The following ERICH1 variants were observed in gnomAD, a reference collection of about 807,000 sequenced individuals.
ERICH1 encodes the protein glutamate-rich protein 1.
In ERICH1, 56 loss-of-function variants were observed where a neutral mutation model predicts 39.6. The ratio of observed to expected loss-of-function variants is 1.41; its 90% CI spans 1.14 to 1.77. The LOEUF is 1.77. Ranked by LOEUF, ERICH1 falls within the 40% of genes most tolerant of loss-of-function variation. The pLI is 0.00. For missense variants in ERICH1, 826 were observed against 575.4 expected (o/e 1.44, Z -4.45); for synonymous variants, 313 against 223.6 (o/e 1.40, Z -3.57).
At chr8:627,106 C>T (rs1006479843) in intron 3 of ERICH1, 9 of 456,138 alleles carry the variant, frequency 2.0e-5, no homozygotes, top group African/African-American at 1.6e-4. Context: ...TCCCTAGACA[C>T]CTGCATCAGT....
intron 3 of ERICH1, among the ~76,000 whole-genome samples, chr8:634,183 A>AAAAAAAAAAAAAAAAAAACAAAC (rs1554481909): frequency 7.4e-6 from 1 of 135,808 alleles, no homozygotes; most frequent in African/African-American, 2.9e-5. Context: ...AAAAAAAAAA[A>AAAAAAAAAAAAAAAAAAACAAAC]AAACAAACAA....
rs1414573547 is a variant in ERICH1, at chr8:649,348, G to T, written c.976+19250C>A. On this transcript the variant is annotated intron_variant, in intron 3 of 3. Coordinates refer to the ERICH1 transcript ENST00000522706. ...TACCTATTTCTTTGCATTTCACCCT[G>T]AAAACAACAAGAATAGAGTTTGCAG... Among the ~76,000 whole-genome samples the T allele has an allele frequency of 1.9e-4, 3 of 16,090 alleles. 1 individual carries two copies. Among genetic ancestry groups the T allele is most frequent in the African/African-American group, 3.4e-4 (3 of 8,926 alleles). The allele number at this position is 16,090 out of a possible 152,430, so 10.6% of individuals were successfully genotyped here.
At chr8:729,026 C>T (rs1208888905) in intron 1 of ERICH1, among the ~76,000 whole-genome samples, 2 of 152,192 alleles carry the variant, frequency 1.3e-5, no homozygotes, top group Non-Finnish European at 2.9e-5. Flanking sequence ...GTATGGGCCC[C>T]TGGATGTGTC....
chr8:637,414 C>G (rs1798525041), intron 3 of ERICH1: 1 of 152,304 alleles, frequency 6.6e-6, no homozygotes, highest in Non-Finnish European at 1.5e-5. Flanking sequence ...AGCATTCCAT[C>G]CTCACCACGT....
chr8:664,646 C>A lies in ERICH1; in HGVS notation c.1289G>T (p.Ser430Ile), dbSNP rs1193947288. Residue 430 changes from serine to isoleucine, a missense_variant, in exon 6 of 6, where the codon AGT (serine) becomes ATT (isoleucine). Coordinates refer to ENST00000262109, the MANE Select transcript of ERICH1 (RefSeq NM_207332.3). ...AGGAAGGATATGTGTGATCCAGTAACTAAAGAAAGCTGAGATTACTCTGGC... is the reference window on the plus strand; with the variant it reads ...AGGAAGGATATGTGTGATCCAGTAAATAAAGAAAGCTGAGATTACTCTGGC... ...DHARVISAFF[S>I]YWITHILPEK... 1 of 1,612,438 alleles carries A rather than the reference C, an allele frequency of 6.2e-7. No individual in the cohort carries two copies. Among genetic ancestry groups the A allele is most frequent in the Non-Finnish European group, 8.5e-7 (1 of 1,179,588 alleles).
Position 685,692 on chromosome 8 carries a change from C to T in ERICH1, c.304+6786G>A, listed in dbSNP as rs996452956. ...CACGCCTTCAGCCGGTCCCTCCGTT[C>T]GGGGTCCCTGACTTCCTGCAATAGG... On this transcript the variant is annotated intron_variant, in intron 3 of 5. Coordinates refer to ENST00000262109, the MANE Select transcript of ERICH1 (RefSeq NM_207332.3). 1.6e-4 allele frequency among the ~76,000 whole-genome samples: 24 copies of T among 152,274 alleles called. 1 individual carries two copies. The highest frequency in any genetic ancestry group is 5.5e-4 in the African/African-American group (23 of 41,544).
At position 665,506 on chromosome 8, in the gene ERICH1, C is replaced by G. The variant is rs968029778; in HGVS notation, c.1259-830G>C. On this transcript the variant is annotated intron_variant, in intron 5 of 5. Transcript: ENST00000262109. ...ACAGAAGCCTCATTCACACTCCCCC[C>G]AGGCAGGCTCCATCCCGCCCAGGGG... Among the ~76,000 whole-genome samples, 6 of 152,230 alleles carry G rather than the reference C, an allele frequency of 3.9e-5. No homozygotes were observed. In the East Asian group the frequency reaches 5.8e-4, roughly 15 times the overall value.
At chr8:699,220 G>C (rs56756385) in intron 2 of ERICH1, among the ~76,000 whole-genome samples, 1 of 151,958 alleles carries the variant, frequency 6.6e-6, no homozygotes, top group Non-Finnish European at 1.5e-5. Context: ...GTGTAAGGCT[G>C]GTTATCATCA....
In ERICH1 at chr8:692,472, T is replaced by C; in HGVS notation, c.304+6A>G. On this transcript the variant is annotated splice_donor_region_variant and intron_variant, in intron 3 of 5. Coordinates refer to ENST00000262109, the MANE Select transcript of ERICH1 (RefSeq NM_207332.3). The stretch of plus-strand genomic sequence containing the variant: ...TGTCTACCTTTCCTCCCACCCAGCA[T>C]TTTACCTTCTGTGTCATCCCCGCTG... 7 of 1,614,074 alleles carry C rather than the reference T, an allele frequency of 4.3e-6. No homozygotes were observed. Among genetic ancestry groups the C allele is most frequent in the Non-Finnish European group, 5.9e-6 (7 of 1,179,988 alleles).
intron 3 of ERICH1, chr8:691,214 G>C (rs1272956583): frequency 6.6e-6 from 1 of 152,392 alleles, no homozygotes; most frequent in African/African-American, 2.4e-5. Flanking sequence ...GGGGGCCCGG[G>C]CAACAGGAAA....
At chr8:700,815 C>G (rs1393940337) in intron 2 of ERICH1, among the ~76,000 whole-genome samples, 3 of 152,362 alleles carry the variant, frequency 2.0e-5, no homozygotes, top group South Asian at 2.1e-4. Flanking sequence ...GAAAATATTC[C>G]TTTATCAGAG....
intron 3 of ERICH1, among the ~76,000 whole-genome samples, chr8:643,953 T>G (rs1799305715): frequency 6.6e-6 from 1 of 152,244 alleles, no homozygotes; most frequent in Non-Finnish European, 1.5e-5. Flanking sequence ...TGCAGCCCCC[T>G]GAGCACCAGC....
intron 3 of ERICH1, among the ~76,000 whole-genome samples, chr8:677,580 C>G (rs2131912467): frequency 6.6e-6 from 1 of 152,310 alleles, no homozygotes; most frequent in East Asian, 1.9e-4. Flanking sequence ...ACCAACCAGC[C>G]TGGTCCAGAC....
chr8:717,204 T>C (rs995641292), intron 1 of ERICH1, among the ~76,000 whole-genome samples: 9 of 152,176 alleles, frequency 5.9e-5, no homozygotes, highest in Non-Finnish European at 1.3e-4. Flanking sequence ...AAACCTGAAC[T>C]GAAACGATGT....
intron 4 of ERICH1, among the ~76,000 whole-genome samples, chr8:671,332 C>T (rs1669609): frequency 1.5e-3 from 190 of 129,720 alleles, no homozygotes; most frequent in African/African-American, 2.1e-3. Flanking sequence ...CTAATGTCTG[C>T]GCTCACTGGG....
intron 5 of ERICH1, chr8:665,874 G>C (rs1415401650): frequency 1.3e-5 from 2 of 152,186 alleles, no homozygotes; most frequent in Admixed American, 6.5e-5. Flanking sequence ...TCCTACAGAG[G>C]TGAGAGACAC....
At chr8:670,876 G>C (rs1005592816) in intron 4 of ERICH1, among the ~76,000 whole-genome samples, 2 of 150,942 alleles carry the variant, frequency 1.3e-5, no homozygotes, top group South Asian at 4.2e-4. Flanking sequence ...GAGCCCACCG[G>C]TCCCCAGGAT....
At chr8:624,035 T>C (rs76499496) in intron 3 of ERICH1, among the ~76,000 whole-genome samples, 2,522 of 152,182 alleles carry the variant, frequency 0.017, 63 homozygotes, top group African/African-American at 0.057. Flanking sequence ...AATAAATAAA[T>C]AACTTTTACA....
chr8:685,699 CCT>C (rs1412519187), intron 3 of ERICH1, among the ~76,000 whole-genome samples: 6 of 152,266 alleles, frequency 3.9e-5, no homozygotes, highest in African/African-American at 9.6e-5. Context: ...GTTCGGGGTC[CCT>C]GACTTCCTGC....
Sources: gnomAD v4.1 joint callset for allele counts (sites outside exome capture counted in the v4.1 genomes callset) on GRCh38, gnomAD v4.1.1 for gene constraint, MANE v1.5 for transcripts, NCBI Gene and HGNC (gene_info 2026-07-23, HGNC 2026-07-21) for gene names.